Variants in ARHGAP31 observed in about 807,000 individuals in gnomAD.
The protein encoded by ARHGAP31 is rho GTPase-activating protein 31.
In ARHGAP31, 34 loss-of-function variants were observed where a neutral mutation model predicts 113.9. That is an observed-to-expected ratio of 0.30 (90% CI 0.23 to 0.40). The LOEUF is 0.40. Among genes scored for constraint, ARHGAP31 ranks in the 10% least tolerant of loss-of-function variants. ARHGAP31 has a pLI of 1.00. For synonymous variants in ARHGAP31, 650 were observed against 684.8 expected (o/e 0.95, Z 0.79); for missense variants, 1,548 against 1,767.1 (o/e 0.88, Z 2.22).
Position 119,294,977 on chromosome 3 carries a change from G to A in ARHGAP31, c.73G>A (p.Glu25Lys), listed in dbSNP as rs2079520075. The change falls in exon 1 of 12, where the codon GAG becomes AAG. Residue 25 changes from glutamate to lysine, a missense_variant. By Grantham distance (56) the Glu-to-Lys change is moderately conservative (BLOSUM62 1). Coordinates refer to ENST00000264245, the MANE Select transcript of ARHGAP31 (RefSeq NM_020754.4). ...AASAFGCDLT[E>K]YLESSGQDVP... ...CAGCGCGTTTGGCTGTGACCTGACG[G>A]AGTATCTGGAAAGCTCGGGACAGGA... The A allele has an allele frequency of 1.2e-6, 2 of 1,614,114 alleles. No homozygotes were observed. Among genetic ancestry groups the A allele is most frequent in the African/African-American group, 1.3e-5 (1 of 75,034 alleles).
At chr3:119,374,774 G>A (rs996772583) in intron 3 of ARHGAP31, among the ~76,000 whole-genome samples, 1 of 152,152 alleles carries the variant, frequency 6.6e-6, no homozygotes, top group Admixed American at 6.5e-5. Context: ...TTTCTGTTAA[G>A]CCTGTGGAAC....
intron 1 of ARHGAP31, among the ~76,000 whole-genome samples, chr3:119,353,028 G>T (rs542589062): frequency 6.6e-6 from 1 of 152,146 alleles, no homozygotes; most frequent in Non-Finnish European, 1.5e-5. Context: ...TTAGATGAGC[G>T]GTCTGCATGT....
At position 119,368,355 on chromosome 3, in the gene ARHGAP31, C is replaced by G; in HGVS notation, c.204-17C>G. 6.2e-7 allele frequency: 1 copy of G among 1,613,944 alleles called. No individual in the cohort carries two copies. Among genetic ancestry groups the G allele is most frequent in the Non-Finnish European group, 8.5e-7 (1 of 1,180,000 alleles). ...ACACTCCCTGGGATTGTTATGTCTC[C>G]GTCTGTGTTGTTTCAGGCAAGAGTT... On this transcript the variant is annotated splice_polypyrimidine_tract_variant and intron_variant, in intron 2 of 11. Coordinates refer to ENST00000264245, the MANE Select transcript of ARHGAP31 (RefSeq NM_020754.4).
At chr3:119,303,782 G>GTT (rs140742505) in intron 1 of ARHGAP31, among the ~76,000 whole-genome samples, 47 of 150,676 alleles carry the variant, frequency 3.1e-4, no homozygotes, top group East Asian at 1.2e-3. Flanking sequence ...CTCTTTTCAT[G>GTT]TTTTTTGTTG....
intron 1 of ARHGAP31, among the ~76,000 whole-genome samples, chr3:119,305,225 A>G (rs1023457282): frequency 2.6e-5 from 4 of 152,212 alleles, no homozygotes; most frequent in African/African-American, 9.6e-5. Context: ...GCAGTAAAAC[A>G]GGTCTGATAT....
chr3:119,350,824 A>C (rs1055576053), intron 1 of ARHGAP31, among the ~76,000 whole-genome samples: 2 of 152,192 alleles, frequency 1.3e-5, no homozygotes, highest in African/African-American at 2.4e-5. Context: ...AAACAAAAAC[A>C]AAACAAACAA....
intron 1 of ARHGAP31, among the ~76,000 whole-genome samples, chr3:119,315,899 G>C (rs1041476358): frequency 4.6e-5 from 7 of 152,186 alleles, no homozygotes; most frequent in African/African-American, 1.7e-4. Flanking sequence ...GTAATCCTTA[G>C]ACAGCACATT....
intron 10 of ARHGAP31, among the ~76,000 whole-genome samples, chr3:119,407,240 G>A (rs1387681760): frequency 6.6e-6 from 1 of 151,642 alleles, no homozygotes; most frequent in Non-Finnish European, 1.5e-5. Context: ...CCAGCTACTA[G>A]GGAAGTTGAG....
chr3:119,332,470 G>A (rs1480573303), intron 1 of ARHGAP31, among the ~76,000 whole-genome samples: 12 of 152,142 alleles, frequency 7.9e-5, no homozygotes, highest in African/African-American at 2.7e-4. Flanking sequence ...AAAATGCTGG[G>A]ATTACATAGG....
intron 1 of ARHGAP31, among the ~76,000 whole-genome samples, chr3:119,317,252 C>T (rs2079742254): frequency 6.6e-6 from 1 of 151,812 alleles, no homozygotes; most frequent in Non-Finnish European, 1.5e-5. Flanking sequence ...GATCTCAGCT[C>T]ACTGCAAGCT....
chr3:119,321,448 A>G (rs1408343435), intron 1 of ARHGAP31, among the ~76,000 whole-genome samples: 1 of 149,938 alleles, frequency 6.7e-6, no homozygotes, highest in Non-Finnish European at 1.5e-5. Flanking sequence ...AAATACTTGT[A>G]TGTAATTCTA....
At chr3:119,328,314 G>T (rs2079863068) in intron 1 of ARHGAP31, among the ~76,000 whole-genome samples, 1 of 152,174 alleles carries the variant, frequency 6.6e-6, no homozygotes, top group African/African-American at 2.4e-5. Context: ...TGGAATTTGG[G>T]GTTGGAAGGG....
In ARHGAP31 at chr3:119,309,229, G is replaced by C. The variant is rs566706544; in HGVS notation, c.100+14225G>C. On this transcript the variant is annotated intron_variant, in intron 1 of 11. Coordinates refer to ENST00000264245, the MANE Select transcript of ARHGAP31 (RefSeq NM_020754.4). ...ACAAAATGGACAAACGGAAAGCCCT[G>C]TATGTGAGGGTTTGTGGAGAACATG... Among the ~76,000 whole-genome samples, 24 of 152,356 alleles carry C rather than the reference G, an allele frequency of 1.6e-4. 1 individual carries two copies. The highest frequency in any genetic ancestry group is 5.5e-4 in the African/African-American group (23 of 41,576).
At chr3:119,361,922 T>C (rs2080210478) in intron 1 of ARHGAP31, among the ~76,000 whole-genome samples, 1 of 152,226 alleles carries the variant, frequency 6.6e-6, no homozygotes, top group Non-Finnish European at 1.5e-5. Flanking sequence ...ATGACCTCTT[T>C]CCTTGGGTTG....
At position 119,419,673 on chromosome 3, in the gene ARHGAP31, C is replaced by T. The variant is rs1335244145; in HGVS notation, c.*3409C>T. ...GAAGGGGAAAAAGTGTGGCAACAAG[C>T]ATCTTTTAATAGGATAGTTGACGGT... On this transcript the variant is annotated 3_prime_UTR_variant, in exon 12 of 12. Coordinates refer to ENST00000264245, the MANE Select transcript of ARHGAP31 (RefSeq NM_020754.4). 6.6e-6 allele frequency: 1 copy of T among 152,152 alleles called. No individual in the cohort carries two copies. Among genetic ancestry groups the T allele is most frequent in the East Asian group, 1.9e-4 (1 of 5,204 alleles). The allele number at this position is 152,152 out of a possible 1,614,324, so 9.4% of individuals were successfully genotyped here. A position where few individuals can be genotyped will look rare whatever the true frequency, so the allele number is the denominator to read the frequency against.
intron 10 of ARHGAP31, among the ~76,000 whole-genome samples, chr3:119,405,846 G>C (rs1333809976): frequency 6.6e-6 from 1 of 152,126 alleles, no homozygotes; most frequent in African/African-American, 2.4e-5. Flanking sequence ...AAGATTTTCA[G>C]GTAATTTTTA....
Position 119,402,199 on chromosome 3 carries a change from G to C in ARHGAP31, c.1447G>C (p.Ala483Pro). 6.2e-7 allele frequency: 1 copy of C among 1,614,284 alleles called. No homozygotes were observed. ...MEPSPRNQRK[A>P]LNISEPFAVS... ...GCCCTCGCCGCGTAACCAGCGCAAGGCGCTGAACATCTCCGAGCCCTTTGC... is the reference window on the plus strand; with the variant it reads ...GCCCTCGCCGCGTAACCAGCGCAAGCCGCTGAACATCTCCGAGCCCTTTGC... Residue 483 changes from alanine (A) to proline (P), a missense_variant, in exon 10 of 12, where the codon GCG becomes CCG. Physicochemically the swap from Ala to Pro is conservative, Grantham distance 27. Coordinates refer to ENST00000264245, the MANE Select transcript of ARHGAP31 (RefSeq NM_020754.4).
chr3:119,337,170 T>G (rs543016410), intron 1 of ARHGAP31, among the ~76,000 whole-genome samples: 16 of 152,320 alleles, frequency 1.1e-4, no homozygotes, highest in African/African-American at 2.6e-4. Flanking sequence ...ACCCTGGCAG[T>G]GAGTGTTACA....
intron 1 of ARHGAP31, among the ~76,000 whole-genome samples, chr3:119,336,490 A>T (rs1559971262): frequency 1.3e-5 from 2 of 152,154 alleles, no homozygotes; most frequent in Admixed American, 6.5e-5. Flanking sequence ...TCGTCAGCAG[A>T]AAAGTTAAAA....
Sources: gnomAD v4.1 joint callset for allele counts (sites outside exome capture counted in the v4.1 genomes callset) on GRCh38, gnomAD v4.1.1 for gene constraint, MANE v1.5 for transcripts, NCBI Gene and HGNC (gene_info 2026-07-23, HGNC 2026-07-21) for gene names.